TULP4: variants seen among roughly 807,000 people sequenced by gnomAD.
The protein encoded by TULP4 is tubby-related protein 4.
Under a neutral mutation model 129.0 loss-of-function variants are expected in TULP4, and 16 were observed. The observed-to-expected ratio is 0.12, with a 90% CI of 0.08 to 0.19. TULP4 has a LOEUF of 0.19. Among genes scored for constraint, TULP4 ranks in the 10% least tolerant of loss-of-function variants. The probability of loss-of-function intolerance (pLI) is 1.00; values close to 1 mark genes in which losing one functional copy is unlikely to be tolerated. For synonymous variants in TULP4, 998 were observed against 854.0 expected (o/e 1.17, Z -2.94); for missense variants, 1,842 against 2,059.1 (o/e 0.89, Z 2.04).
chr6:158,505,778 G>A (rs1017665692), intron 13 of TULP4, among the ~76,000 whole-genome samples: 2 of 152,136 alleles, frequency 1.3e-5, no homozygotes, highest in Non-Finnish European at 2.9e-5. Flanking sequence ...TGGCCTGTTT[G>A]TGTTTCTTTC....
chr6:158,275,159 G>A (rs556942847), intron 1 of TULP4, among the ~76,000 whole-genome samples: 82 of 152,354 alleles, frequency 5.4e-4, no homozygotes, highest in African/African-American at 1.9e-3. Flanking sequence ...TGGAGTGCTT[G>A]TATAGTTCTG....
intron 2 of TULP4, among the ~76,000 whole-genome samples, chr6:158,418,761 A>G (rs980095585): frequency 1.3e-5 from 2 of 152,172 alleles, no homozygotes; most frequent in African/African-American, 4.8e-5. Flanking sequence ...AAGCAAGACC[A>G]AGTCTCTAGA....
At chr6:158,418,062 T>C (rs540781319) in intron 2 of TULP4, among the ~76,000 whole-genome samples, 1 of 150,146 alleles carries the variant, frequency 6.7e-6, no homozygotes, top group African/African-American at 2.4e-5. Flanking sequence ...GTTGAAAAAC[T>C]AAAAGAACTG....
In TULP4 at chr6:158,320,432, A is replaced by AT. The variant is rs34867450; in HGVS notation, c.252+6182dup. Among the ~76,000 whole-genome samples, 1,040 of 142,330 alleles carry AT rather than the reference A, an allele frequency of 7.3e-3. 16 individuals carry two copies. Among genetic ancestry groups the AT allele is most frequent in the African/African-American group, 0.022 (847 of 38,414 alleles). The allele number at this position is 142,330 out of a possible 152,430, so 93.4% of individuals were successfully genotyped here. On this transcript the variant is annotated intron_variant, in intron 1 of 13. Transcript: ENST00000367097. ...TTGTACTGATTGTCATTTAACAGGA[A>AT]TTTTTTTTTTTTTTTTTTACACAGA...
At chr6:158,249,724 C>T (rs1304140974) in intron 1 of TULP4, among the ~76,000 whole-genome samples, 2 of 152,206 alleles carry the variant, frequency 1.3e-5, no homozygotes, top group Non-Finnish European at 2.9e-5. Context: ...TCAGTTTTAT[C>T]TTAATTACAT....
chr6:158,480,777 C>T (rs9355655), intron 7 of TULP4, among the ~76,000 whole-genome samples: 46,884 of 151,806 alleles, frequency 0.31, 7,706 homozygotes, highest in East Asian at 0.54. Context: ...TTGGAAAATA[C>T]AGGTGCCCAA....
chr6:158,412,975 C>G (rs1778130071), intron 1 of TULP4, 90 bp from the exon 2 acceptor site: 1 of 1,493,824 alleles, frequency 6.7e-7, no homozygotes, highest in Admixed American at 2.2e-5. Flanking sequence ...TGACTGCATT[C>G]TAATTAGTTC....
chr6:158,509,906 G>A lies in TULP4; in HGVS notation c.*3212G>A, dbSNP rs947918026. 4.6e-5 allele frequency: 7 copies of A among 152,128 alleles called. No homozygotes were observed. The highest frequency in any genetic ancestry group is 2.6e-4 in the Admixed American group (4 of 15,272). 9.4% of individuals were successfully genotyped at this position (152,128 alleles called of 1,614,324 possible). A position where few individuals can be genotyped will look rare whatever the true frequency, so the allele number is the denominator to read the frequency against. On this transcript the variant is annotated 3_prime_UTR_variant, in exon 14 of 14. Transcript: ENST00000367097. ...TCAGTCTCTGTTGACTAAATACGAC[G>A]AAAATTCATACTTTATGCAGGAGAT...
chr6:158,442,517 G>A (rs796952792), intron 3 of TULP4, among the ~76,000 whole-genome samples: 11 of 151,946 alleles, frequency 7.2e-5, no homozygotes, highest in African/African-American at 2.7e-4. Flanking sequence ...CATCACTCGC[G>A]GTCTTCTGAT....
intron 1 of TULP4, among the ~76,000 whole-genome samples, chr6:158,333,345 C>T (rs1779956299): frequency 6.6e-6 from 1 of 152,148 alleles, no homozygotes; most frequent in Non-Finnish European, 1.5e-5. Context: ...AAGAAGAGGT[C>T]ATGTGAGCTC....
chr6:158,417,263 A>G (rs1035279844), intron 2 of TULP4, among the ~76,000 whole-genome samples: 4 of 152,040 alleles, frequency 2.6e-5, no homozygotes, highest in African/African-American at 9.7e-5. Flanking sequence ...CCACCATCCA[A>G]CACTTCCCTT....
chr6:158,435,175 T>C (rs1378157326), intron 3 of TULP4, among the ~76,000 whole-genome samples: 1 of 152,236 alleles, frequency 6.6e-6, no homozygotes, highest in South Asian at 2.1e-4. Flanking sequence ...TTAAAGCTTA[T>C]GGAAGTTAGT....
chr6:158,320,381 A>T (rs1311156866), intron 1 of TULP4, among the ~76,000 whole-genome samples: 1 of 152,114 alleles, frequency 6.6e-6, no homozygotes, highest in Non-Finnish European at 1.5e-5. Context: ...GATATTGTAG[A>T]TGTCGTGCAA....
intron 8 of TULP4, among the ~76,000 whole-genome samples, chr6:158,487,499 C>G (rs1168476541): frequency 6.6e-6 from 1 of 152,182 alleles, no homozygotes; most frequent in African/African-American, 2.4e-5. Flanking sequence ...TTCTTGAAAA[C>G]TGACAGAATT....
intron 5 of TULP4, among the ~76,000 whole-genome samples, chr6:158,459,042 G>T (rs1382608782): frequency 6.6e-6 from 1 of 152,216 alleles, no homozygotes; most frequent in Non-Finnish European, 1.5e-5. Flanking sequence ...GTTGGAACAA[G>T]AAATGGCATT....
At chr6:158,277,427 A>T (rs770955619), upstream of TULP4, among the ~76,000 whole-genome samples, 7 of 152,226 alleles carry the variant, frequency 4.6e-5, no homozygotes, top group Non-Finnish European at 7.3e-5. Flanking sequence ...TAGCCTGTGT[A>T]GCAATGATAA....
rs753219213 is a variant in TULP4 at position 158,481,140 on chromosome 6, G to T, written c.1337G>T (p.Arg446Leu). The T allele has an allele frequency of 1.2e-6, 2 of 1,613,628 alleles. No homozygotes were observed. The highest frequency in any genetic ancestry group is 1.3e-5 in the African/African-American group (1 of 74,928). ...GAGCGGCTGCACTGCACCATGAAGC[G>T]CACAGAGGACGACCCGGAGGTGGGC... ...GNERLHCTMK[R>L]TEDDPEVGGP... The change falls in exon 8 of 14, where the codon CGC (arginine) becomes CTC (leucine). Residue 446 changes from arginine (R) to leucine (L), a missense_variant. This residue lies in a region of TULP4 where 456 missense variants were observed against 534.3 expected (regional missense o/e 0.85). Transcript: ENST00000367097.
intron 1 of TULP4, among the ~76,000 whole-genome samples, chr6:158,406,520 A>G (rs1289689100): frequency 6.6e-6 from 1 of 152,222 alleles, no homozygotes; most frequent in African/African-American, 2.4e-5. Flanking sequence ...GTGGAAAAGA[A>G]TAGAAGTTAG....
Position 158,354,741 on chromosome 6 carries a change from G to A in TULP4, c.252+40473G>A, listed in dbSNP as rs374678381. On this transcript the variant is annotated intron_variant, in intron 1 of 13. Transcript: ENST00000367097. ...GACCCCATCTCTAAAAAACAACATTGGCTGGGTACAGTGGTGCACACCTAT... is the reference window on the plus strand; with the variant it reads ...GACCCCATCTCTAAAAAACAACATTAGCTGGGTACAGTGGTGCACACCTAT... 3.3e-5 allele frequency among the ~76,000 whole-genome samples: 5 copies of A among 151,782 alleles called. No individual in the cohort carries two copies. The South Asian group carries it at 6.3e-4, about 19-fold the overall frequency.
Sources: allele counts gnomAD v4.1 joint callset (sites outside exome capture counted in the v4.1 genomes callset), GRCh38; gene constraint gnomAD v4.1.1; regional missense constraint gnomAD v4.1.1; transcripts MANE v1.5; gene names NCBI Gene and HGNC (gene_info 2026-07-23, HGNC 2026-07-21).